Variants in KCNIP1 observed in about 807,000 individuals in gnomAD.
KCNIP1 encodes the protein A-type potassium channel modulatory protein KCNIP1.
In KCNIP1, 18 loss-of-function variants were observed where a neutral mutation model predicts 33.0. That is an observed-to-expected ratio of 0.55 (90% CI 0.38 to 0.81). The LOEUF (loss-of-function observed/expected upper bound fraction) is 0.81. Among genes scored for constraint, KCNIP1 ranks in the 30% least tolerant of loss-of-function variants. The pLI is 0.00. For synonymous variants in KCNIP1, 93 were observed against 98.3 expected (o/e 0.95, Z 0.32); for missense variants, 238 against 271.6 (o/e 0.88, Z 0.87).
chr5:170,598,953 G>A (rs1416108497), intron 1 of KCNIP1, among the ~76,000 whole-genome samples: 1 of 150,662 alleles, frequency 6.6e-6, no homozygotes, highest in Non-Finnish European at 1.5e-5. Flanking sequence ...TTGGTGGGGT[G>A]GGAGGGGAGG....
chr5:170,674,162 AGG>A (rs1762033255), intron 1 of KCNIP1, among the ~76,000 whole-genome samples: 1 of 72,502 alleles, frequency 1.4e-5, no homozygotes. Flanking sequence ...GAAGGAAGGA[AGG>A]AAGGAAGGAA....
chr5:170,718,911 G>T (rs957207798), intron 2 of KCNIP1, 29 bp downstream of exon 2: 5 of 1,574,070 alleles, frequency 3.2e-6, no homozygotes, highest in Admixed American at 3.8e-5. Context: ...CTGAAGGCCT[G>T]GGGGGGGTTC....
upstream of KCNIP1, among the ~76,000 whole-genome samples, chr5:170,502,058 C>T (rs944780104): frequency 2.6e-5 from 4 of 152,194 alleles, no homozygotes; most frequent in Non-Finnish European, 4.4e-5. Context: ...CCCAGGAGAC[C>T]ACGACAGAGG....
rs537062428 is a variant in KCNIP1 at position 170,600,096 on chromosome 5, G to A, written c.61+95463G>A. Among the ~76,000 whole-genome samples, 139 of 152,132 alleles carry A rather than the reference G, an allele frequency of 9.1e-4. 2 individuals are homozygous for A. In the South Asian group the frequency reaches 0.021, roughly 23 times the overall value. On this transcript the variant is annotated intron_variant, in intron 1 of 7. Transcript: ENST00000328939. The stretch of plus-strand genomic sequence containing the variant: ...TTCTCTCAGGGTCACCCCTTCAGAT[G>A]AAGAAACTGAAGCCCAGAAAGGTCA...
chr5:170,367,349 A>AGGAAAGAAGGAAAGAAGGAAAGAAAG (rs372538602), intron 1 of KCNIP1, among the ~76,000 whole-genome samples: 1 of 76,890 alleles, frequency 1.3e-5, no homozygotes, highest in African/African-American at 5.7e-5. Flanking sequence ...GAAGGAAAGA[A>AGGAAAGAAGGAAAGAAGGAAAGAAAG]AAAGAAAGAA....
At chr5:170,541,976 G>C (rs1756226857) in intron 1 of KCNIP1, among the ~76,000 whole-genome samples, 1 of 152,192 alleles carries the variant, frequency 6.6e-6, no homozygotes, top group African/African-American at 2.4e-5. Flanking sequence ...TCCCATCGTA[G>C]TAATATCATC....
At chr5:170,476,786 A>G (rs1281332646) in intron 1 of KCNIP1, among the ~76,000 whole-genome samples, 4 of 152,196 alleles carry the variant, frequency 2.6e-5, no homozygotes, top group Non-Finnish European at 5.9e-5. Flanking sequence ...ACTCTCTACC[A>G]TATATCAAAG....
chr5:170,697,392 T>G (rs1762933181), intron 1 of KCNIP1, among the ~76,000 whole-genome samples: 1 of 152,208 alleles, frequency 6.6e-6, no homozygotes, highest in Non-Finnish European at 1.5e-5. Flanking sequence ...CCTGCCAAAG[T>G]GCCTTGCACA....
intron 1 of KCNIP1, among the ~76,000 whole-genome samples, chr5:170,557,172 G>T (rs1297368909): frequency 6.6e-6 from 1 of 152,218 alleles, no homozygotes; most frequent in Non-Finnish European, 1.5e-5. Context: ...CTTCTCAGCT[G>T]CAATACAGGG....
intron 1 of KCNIP1, among the ~76,000 whole-genome samples, chr5:170,627,550 G>T (rs1224038874): frequency 6.6e-6 from 1 of 152,206 alleles, no homozygotes; most frequent in Non-Finnish European, 1.5e-5. Flanking sequence ...CAGGGCCACC[G>T]GCCACTGCTC....
chr5:170,689,690 G>A (rs1762656464), intron 1 of KCNIP1, among the ~76,000 whole-genome samples: 1 of 152,174 alleles, frequency 6.6e-6, no homozygotes, highest in Admixed American at 6.5e-5. Context: ...GAAAGAACAG[G>A]TTGTGCATTC....
chr5:170,611,432 A>G (rs866932279), intron 1 of KCNIP1, among the ~76,000 whole-genome samples: 1 of 152,272 alleles, frequency 6.6e-6, no homozygotes, highest in Non-Finnish European at 1.5e-5. Context: ...TACGAAGTGC[A>G]GCCAAGGTCC....
intron 1 of KCNIP1, among the ~76,000 whole-genome samples, chr5:170,669,923 C>T (rs1761850767): frequency 6.6e-6 from 1 of 152,156 alleles, no homozygotes; most frequent in African/African-American, 2.4e-5. Context: ...GTGATGAATA[C>T]AATATTCCAC....
chr5:170,402,488 A>T (rs1581157579), intron 1 of KCNIP1, among the ~76,000 whole-genome samples: 1 of 152,084 alleles, frequency 6.6e-6, no homozygotes, highest in South Asian at 2.1e-4. Context: ...TTGCTGGGGG[A>T]ACCAGGCTTC....
chr5:170,735,050 G>A (rs1415260819), intron 7 of KCNIP1, among the ~76,000 whole-genome samples: 1 of 152,164 alleles, frequency 6.6e-6, no homozygotes, highest in Admixed American at 6.5e-5. Flanking sequence ...GAACTTTCCA[G>A]CTGCCAGAAT....
At chr5:170,541,401 G>A (rs2113380624) in intron 1 of KCNIP1, among the ~76,000 whole-genome samples, 1 of 152,290 alleles carries the variant, frequency 6.6e-6, no homozygotes, top group East Asian at 1.9e-4. Flanking sequence ...CTCATAATCA[G>A]CTTTTAGCTG....
chr5:170,520,598 A>T (rs1431325890), intron 1 of KCNIP1, among the ~76,000 whole-genome samples: 2 of 89,152 alleles, frequency 2.2e-5, no homozygotes, highest in African/African-American at 8.2e-5. Flanking sequence ...CTTTAGGGGA[A>T]TGCATTATAA....
intron 1 of KCNIP1, among the ~76,000 whole-genome samples, chr5:170,428,397 T>C (rs1284898885): frequency 6.6e-6 from 1 of 151,258 alleles, no homozygotes; most frequent in Non-Finnish European, 1.5e-5. Flanking sequence ...ACCCATGCTT[T>C]GGAGCTAGAT....
chr5:170,652,809 T>G lies in KCNIP1; in HGVS notation c.62-65949T>G, dbSNP rs558792619. On this transcript the variant is annotated intron_variant, in intron 1 of 7. Coordinates refer to ENST00000328939, the MANE Select transcript of KCNIP1 (RefSeq NM_014592.4). ...ATATATATCAGCTCTGTTTTTGTCA[T>G]TAAAACATCCCTGTAGAAAGATAGG... Among the ~76,000 whole-genome samples, 68 of 152,342 alleles carry G rather than the reference T, an allele frequency of 4.5e-4. 1 individual carries two copies. The highest frequency in any genetic ancestry group is 5.7e-4 in the Non-Finnish European group (39 of 68,030).
Sources: allele counts gnomAD v4.1 joint callset (sites outside exome capture counted in the v4.1 genomes callset), GRCh38; gene constraint gnomAD v4.1.1; transcripts MANE v1.5; gene names NCBI Gene and HGNC (gene_info 2026-07-23, HGNC 2026-07-21).